The following MYO1B variants were observed in gnomAD, a reference collection of about 807,000 sequenced individuals.
MYO1B encodes the protein unconventional myosin-Ib.
Under a neutral mutation model 159.7 loss-of-function variants are expected in MYO1B, and 72 were observed. That is an observed-to-expected ratio of 0.45 (90% CI 0.37 to 0.55). MYO1B has a LOEUF of 0.55. Ranked by LOEUF, MYO1B falls within the 20% of genes least tolerant of loss-of-function variation. The pLI is 0.00. For missense variants in MYO1B, 1,062 were observed against 1,364.8 expected, an observed-to-expected ratio of 0.78 and a Z score of 3.50; for synonymous variants, 468 against 473.8, an observed-to-expected ratio of 0.99 and a Z score of 0.16.
chr2:191,269,816 GGGAA>G (rs1481581404), intron 1 of MYO1B, among the ~76,000 whole-genome samples: 1 of 152,114 alleles, frequency 6.6e-6, no homozygotes, highest in Admixed American at 6.5e-5. Context: ...TTGGATATGT[GGGAA>G]GGAAGGAAGA....
intron 1 of MYO1B, among the ~76,000 whole-genome samples, chr2:191,250,115 G>A (rs1686023696): frequency 1.3e-5 from 2 of 152,208 alleles, no homozygotes; most frequent in South Asian, 4.1e-4. Context: ...CAGGGTCGTT[G>A]TAGCAGGGCA....
At chr2:191,306,363 G>A (rs182329895) in intron 3 of MYO1B, among the ~76,000 whole-genome samples, 4 of 152,140 alleles carry the variant, frequency 2.6e-5, no homozygotes, top group African/African-American at 7.2e-5. Flanking sequence ...ATCTAAGTTC[G>A]TGTGGTTTCC....
intron 4 of MYO1B, among the ~76,000 whole-genome samples, chr2:191,334,292 C>T (rs536485583): frequency 6.6e-6 from 1 of 152,248 alleles, no homozygotes; most frequent in Middle Eastern, 3.4e-3. Context: ...TGACATCCGC[C>T]TTCTCAGAGA....
At chr2:191,276,189 T>C (rs1687740424) in intron 1 of MYO1B, among the ~76,000 whole-genome samples, 1 of 152,240 alleles carries the variant, frequency 6.6e-6, no homozygotes, top group Admixed American at 6.5e-5. Flanking sequence ...TGGTAGCCTG[T>C]GATTTACAAG....
intron 16 of MYO1B, 117 bp from the exon 17 acceptor site, chr2:191,387,107 A>T: frequency 9.8e-7 from 1 of 1,015,240 alleles, no homozygotes; most frequent in African/African-American, 1.6e-5. Context: ...CATGTCAGGG[A>T]TTTTTTGATG....
chr2:191,326,876 T>G (rs1379706478), intron 3 of MYO1B, among the ~76,000 whole-genome samples: 1 of 151,746 alleles, frequency 6.6e-6, no homozygotes, highest in Non-Finnish European at 1.5e-5. Flanking sequence ...GAACCAGTGG[T>G]AAATATAATG....
intron 11 of MYO1B, among the ~76,000 whole-genome samples, chr2:191,367,940 A>T (rs1694114371): frequency 6.6e-6 from 1 of 152,224 alleles, no homozygotes; most frequent in Non-Finnish European, 1.5e-5. Context: ...GGAAAGATGC[A>T]TCTAAATTAT....
At chr2:191,272,118 A>G (rs529989652) in intron 1 of MYO1B, among the ~76,000 whole-genome samples, 19 of 152,360 alleles carry the variant, frequency 1.2e-4, no homozygotes, top group African/African-American at 4.6e-4. Context: ...ATGTTGAAAT[A>G]CAGGTAGTAA....
chr2:191,306,893 G>C (rs1426411549), intron 3 of MYO1B, among the ~76,000 whole-genome samples: 1 of 152,154 alleles, frequency 6.6e-6, no homozygotes, highest in Non-Finnish European at 1.5e-5. Flanking sequence ...CTGATACCAG[G>C]TGTGTGACAT....
rs571036332 is a variant in MYO1B at position 191,381,612 on chromosome 2, C to T, written c.1290+46C>T. The T allele has an allele frequency of 2.8e-5, 38 of 1,346,160 alleles. No homozygotes were observed. In the South Asian group the frequency reaches 3.6e-4, roughly 13 times the overall value. The allele number at this position is 1,346,160 out of a possible 1,614,324, so 83.4% of individuals were successfully genotyped here. On this transcript the variant is annotated intron_variant, in intron 14 of 30. Transcript: ENST00000392318. ...TTAAAAGTGTTGGTCCTTTTTTACTCGTAATATAAATTCTAATTCAGAAGA... is the reference window on the plus strand; with the variant it reads ...TTAAAAGTGTTGGTCCTTTTTTACTTGTAATATAAATTCTAATTCAGAAGA...
chr2:191,318,860 A>C (rs1690523256), intron 3 of MYO1B, among the ~76,000 whole-genome samples: 1 of 152,236 alleles, frequency 6.6e-6, no homozygotes, highest in Non-Finnish European at 1.5e-5. Context: ...CCTTTGTGTC[A>C]GGGCACTTTC....
At chr2:191,383,545 CACATAT>C (rs1245279359) in intron 15 of MYO1B, among the ~76,000 whole-genome samples, 264 of 22,060 alleles carry the variant, frequency 0.012, 1 homozygote, top group East Asian at 0.083. Flanking sequence ...CACACACACA[CACATAT>C]ATATATATGT....
At chr2:191,266,522 G>A (rs576926113) in intron 1 of MYO1B, among the ~76,000 whole-genome samples, 1 of 152,192 alleles carries the variant, frequency 6.6e-6, no homozygotes, top group Non-Finnish European at 1.5e-5. Context: ...TTGAAAAATG[G>A]TGCAGTGTTG....
chr2:191,355,798 C>G (rs1693239130), intron 7 of MYO1B, among the ~76,000 whole-genome samples: 1 of 151,044 alleles, frequency 6.6e-6, no homozygotes, highest in African/African-American at 2.5e-5. Flanking sequence ...GGGGGAGTTA[C>G]TCTAAGGAGA....
At chr2:191,331,693 G>A (rs752028837) in intron 4 of MYO1B, among the ~76,000 whole-genome samples, 8 of 152,076 alleles carry the variant, frequency 5.3e-5, no homozygotes, top group South Asian at 2.1e-4. Flanking sequence ...ATCACATTTC[G>A]TTTAGTAGGG....
At chr2:191,346,329 T>C (rs1559187532) in intron 6 of MYO1B, 47 bp downstream of exon 6, 3 of 1,338,984 alleles carry the variant, frequency 2.2e-6, no homozygotes, top group Non-Finnish European at 3.0e-6. Flanking sequence ...ATTTAGCTCA[T>C]GTATGTTTAA....
At chr2:191,346,609 A>G (rs1307477651) in intron 6 of MYO1B, among the ~76,000 whole-genome samples, 1 of 152,210 alleles carries the variant, frequency 6.6e-6, no homozygotes, top group African/African-American at 2.4e-5. Flanking sequence ...ATTAAGAGAA[A>G]GATAAACTGG....
At chr2:191,294,878 G>GA (rs919815393) in intron 2 of MYO1B, among the ~76,000 whole-genome samples, 6 of 146,416 alleles carry the variant, frequency 4.1e-5, no homozygotes, top group Non-Finnish European at 6.0e-5. Context: ...CCTGTAAAAA[G>GA]AAAAAAAAAA....
At position 191,273,820 on chromosome 2, in the gene MYO1B, C is replaced by T. The variant is rs181599039; in HGVS notation, c.-9-3067C>T. Among the ~76,000 whole-genome samples the T allele has an allele frequency of 3.1e-3, 477 of 152,270 alleles. 3 individuals carry two copies. The highest frequency in any genetic ancestry group is 0.017 in the Middle Eastern group (5 of 294). ...ATTTAATTCTCCCTAGAGCCCCATG[C>T]GAATTCTTCTAATGGTTTATGGAAA... On this transcript the variant is annotated intron_variant, in intron 1 of 30. Coordinates refer to ENST00000392318, the MANE Select transcript of MYO1B (RefSeq NM_001130158.3).
Sources: allele counts gnomAD v4.1 joint callset (sites outside exome capture counted in the v4.1 genomes callset), GRCh38; gene constraint gnomAD v4.1.1; transcripts MANE v1.5; gene names NCBI Gene and HGNC (gene_info 2026-07-23, HGNC 2026-07-21).